The following ARHGAP22 variants were observed in gnomAD, a reference collection of about 807,000 sequenced individuals.
ARHGAP22 encodes the protein rho GTPase-activating protein 22.
ARHGAP22 carries 48 observed loss-of-function variants against 59.1 expected under a neutral mutation model. The ratio of observed to expected loss-of-function variants is 0.81; its 90% confidence interval spans 0.64 to 1.03. The LOEUF is 1.03. ARHGAP22 is among the 50% of genes least tolerant of loss of function. ARHGAP22 has a pLI of 0.00. For synonymous variants in ARHGAP22, 445 were observed against 416.4 expected (o/e 1.07, Z -0.84); for missense variants, 1,015 against 958.7 (o/e 1.06, Z -0.78).
At chr10:48,448,141 C>G (rs1306228923) in intron 9 of ARHGAP22, among the ~76,000 whole-genome samples, 1 of 152,214 alleles carries the variant, frequency 6.6e-6, no homozygotes, top group South Asian at 2.1e-4. Context: ...AAAACCAGAG[C>G]ATTGCCCAGG....
chr10:48,555,538 G>C lies in ARHGAP22; in HGVS notation c.247C>G (p.Leu83Val). The change falls in exon 3 of 10, where the codon CTA (leucine) becomes GTA (valine). Residue 83 changes from leucine (L) to valine (V), a missense_variant. Leu to Val is a conservative substitution (Grantham distance 32). Coordinates refer to ENST00000249601, the MANE Select transcript of ARHGAP22 (RefSeq NM_021226.4). ...DEIKPQGFIS[L>V]QGTQVTELPP... ...AGTTCAGTCACCTGTGTCCCTTGTAGAGAAATAAATCCCTAAAAAGGAGGC... is the reference window on the plus strand; with the variant it reads ...AGTTCAGTCACCTGTGTCCCTTGTACAGAAATAAATCCCTAAAAAGGAGGC... The C allele has an allele frequency of 6.2e-7, 1 of 1,614,154 alleles. No individual in the cohort carries two copies. Among genetic ancestry groups the C allele is most frequent in the Non-Finnish European group, 8.5e-7 (1 of 1,180,000 alleles).
the ARHGAP22 span, chr10:48,438,648 A>G: frequency 2.0e-4 from 31 of 152,232 alleles, no homozygotes; most frequent in Admixed American, 1.6e-3. Context: ...CTAATTTTCT[A>G]TGCTTTCCCA....
chr10:48,633,050 T>C (rs1269047867), intron 1 of ARHGAP22, among the ~76,000 whole-genome samples: 1 of 152,154 alleles, frequency 6.6e-6, no homozygotes, highest in Non-Finnish European at 1.5e-5. Flanking sequence ...GGCCTTTCCA[T>C]TGGATGATAT....
At chr10:48,504,516 A>G (rs943276999) in intron 3 of ARHGAP22, among the ~76,000 whole-genome samples, 2 of 152,070 alleles carry the variant, frequency 1.3e-5, no homozygotes, top group Admixed American at 6.5e-5. Context: ...AGGAAAAGCC[A>G]CTCTGGGGAG....
At position 48,650,498 on chromosome 10, in the gene ARHGAP22, G is replaced by T. The variant is rs185416352; in HGVS notation, c.52+1736C>A. ...TTGGAATTAAATGGAGCTGGTGGTT[G>T]CACAACATCATGAATGTATGAATTG... On this transcript the variant is annotated intron_variant, in intron 1 of 9. Coordinates refer to the ARHGAP22 transcript ENST00000435790. Among the ~76,000 whole-genome samples, 209 of 152,270 alleles carry T rather than the reference G, an allele frequency of 1.4e-3. 1 individual carries two copies. Among genetic ancestry groups the T allele is most frequent in the African/African-American group, 4.9e-3 (205 of 41,558 alleles).
chr10:48,516,620 A>G (rs1349091376), intron 3 of ARHGAP22, among the ~76,000 whole-genome samples: 1 of 152,258 alleles, frequency 6.6e-6, no homozygotes, highest in East Asian at 1.9e-4. Flanking sequence ...CTAGAAAGGC[A>G]CAAACTACCA....
In ARHGAP22 at chr10:48,479,661, T is replaced by C. The variant is rs2134071767; in HGVS notation, c.426A>G (p.Arg142=). ...CTCCGCCCAGCGGGGCCCAGATGAC[T>C]CGGCGGATGGCCTGCACCCAGTCCT... ...DMEDWVQAIR[R]VIWAPLGGGI... Residue 142 remains arginine, a synonymous_variant, in exon 4 of 10, where the codon CGA becomes CGG. Coordinates refer to ENST00000249601, the MANE Select transcript of ARHGAP22 (RefSeq NM_021226.4). The C allele has an allele frequency of 6.2e-7, 1 of 1,613,590 alleles. No individual in the cohort carries two copies. Among genetic ancestry groups the C allele is most frequent in the Non-Finnish European group, 8.5e-7 (1 of 1,179,920 alleles).
intron 1 of ARHGAP22, among the ~76,000 whole-genome samples, chr10:48,621,667 T>G (rs1208876542): frequency 6.6e-6 from 1 of 152,170 alleles, no homozygotes; most frequent in East Asian, 1.9e-4. Context: ...GAAAAAAGGT[T>G]TAGTTGATTT....
intron 4 of ARHGAP22, among the ~76,000 whole-genome samples, 155 bp from the exon 5 acceptor site, chr10:48,460,046 C>T (rs2046986876): frequency 1.3e-5 from 2 of 152,150 alleles, no homozygotes; most frequent in Non-Finnish European, 2.9e-5. Context: ...AAGGCTGTGC[C>T]CTGGCCGCCC....
chr10:48,586,466 G>C (rs140640190), intron 1 of ARHGAP22, among the ~76,000 whole-genome samples: 1 of 152,324 alleles, frequency 6.6e-6, no homozygotes, highest in East Asian at 1.9e-4. Flanking sequence ...TGGCGCAGTG[G>C]ATGTCTCCAT....
At chr10:48,650,357 A>G (rs1400411158) in intron 1 of ARHGAP22, among the ~76,000 whole-genome samples, 4 of 152,180 alleles carry the variant, frequency 2.6e-5, no homozygotes, top group African/African-American at 7.2e-5. Flanking sequence ...GCATGAGTCC[A>G]TTTACATGAC....
At chr10:48,578,524 A>G (rs1350111724) in intron 2 of ARHGAP22, among the ~76,000 whole-genome samples, 5 of 150,174 alleles carry the variant, frequency 3.3e-5, no homozygotes, top group Non-Finnish European at 5.9e-5. Flanking sequence ...TATGCAGTGT[A>G]TGTGTGTGTG....
chr10:48,553,878 C>T (rs775416636), intron 3 of ARHGAP22, among the ~76,000 whole-genome samples: 4 of 152,140 alleles, frequency 2.6e-5, no homozygotes, highest in Non-Finnish European at 5.9e-5. Context: ...AGTGTGTTGA[C>T]CTCTACCTTC....
chr10:48,531,673 GTGAGGGCACCGAAGTACAGAGA>G, intron 3 of ARHGAP22, among the ~76,000 whole-genome samples: 1 of 4,448 alleles, frequency 2.2e-4, no homozygotes, highest in South Asian at 4.2e-3. Context: ...GTACAGAGAA[GTGAGGGCACCGAAGTACAGAGA>G]AGTGAAGTCA....
At chr10:48,455,462 G>A (rs373973786) in intron 5 of ARHGAP22, among the ~76,000 whole-genome samples, 49 of 152,334 alleles carry the variant, frequency 3.2e-4, no homozygotes, top group African/African-American at 1.1e-3. Context: ...CGTAGACTGC[G>A]TAGGACTCCA....
At chr10:48,537,844 A>T (rs530735733) in intron 3 of ARHGAP22, among the ~76,000 whole-genome samples, 11 of 152,330 alleles carry the variant, frequency 7.2e-5, no homozygotes, top group African/African-American at 2.6e-4. Context: ...GGTGCTAGGC[A>T]GAGAGGGGGT....
chr10:48,596,300 A>G (rs972359891), intron 1 of ARHGAP22, among the ~76,000 whole-genome samples: 5 of 152,004 alleles, frequency 3.3e-5, no homozygotes, highest in Non-Finnish European at 7.3e-5. Context: ...GAGCCACTGC[A>G]TATGGAGACG....
chr10:48,453,714 C>T (rs1299242911), intron 7 of ARHGAP22, among the ~76,000 whole-genome samples: 1 of 152,218 alleles, frequency 6.6e-6, no homozygotes, highest in Non-Finnish European at 1.5e-5. Context: ...AGTCCCAGAC[C>T]CCAGTCAGCG....
chr10:48,642,152 G>A (rs2062075757), intron 1 of ARHGAP22, among the ~76,000 whole-genome samples: 1 of 152,144 alleles, frequency 6.6e-6, no homozygotes, highest in Non-Finnish European at 1.5e-5. Context: ...CATGAAAATG[G>A]CCATACTGCC....
Sources: allele counts gnomAD v4.1 joint callset (sites outside exome capture counted in the v4.1 genomes callset), GRCh38; gene constraint gnomAD v4.1.1; transcripts MANE v1.5; gene names NCBI Gene and HGNC (gene_info 2026-07-23, HGNC 2026-07-21).